The following ASIC2 variants were observed in gnomAD, a reference collection of about 807,000 sequenced individuals.
The protein encoded by ASIC2 is acid-sensing ion channel 2.
In ASIC2, 25 loss-of-function variants were observed where a neutral mutation model predicts 57.3. The observed-to-expected ratio is 0.44, with a 90% CI of 0.32 to 0.61. ASIC2 has a LOEUF of 0.61. Among genes scored for constraint, ASIC2 ranks in the 20% least tolerant of loss-of-function variants. The probability of loss-of-function intolerance (pLI) is 0.06; values close to 1 mark genes in which losing one functional copy is unlikely to be tolerated. For synonymous variants in ASIC2, 319 were observed against 307.5 expected (o/e 1.04, Z -0.39); for missense variants, 641 against 738.1 (o/e 0.87, Z 1.52).
chr17:34,003,937 T>C (rs914889652), intron 1 of ASIC2: 4 of 152,224 alleles, frequency 2.6e-5, no homozygotes, highest in Non-Finnish European at 4.4e-5. Context: ...CCCATGTCCA[T>C]GCAACAAGCA....
intron 1 of ASIC2, among the ~76,000 whole-genome samples, chr17:33,463,327 T>C (rs189219193): frequency 7.2e-5 from 11 of 152,358 alleles, no homozygotes. Context: ...GCGTGCTTTA[T>C]AGTTGGAGCT....
At chr17:33,231,568 C>T (rs1166676992) in intron 1 of ASIC2, among the ~76,000 whole-genome samples, 3 of 152,112 alleles carry the variant, frequency 2.0e-5, no homozygotes, top group Non-Finnish European at 4.4e-5. Context: ...GAAGTCCCAT[C>T]CCAGACTTGA....
chr17:33,799,435 T>TTTCTTTCTTTC (rs1567719077), intron 1 of ASIC2, among the ~76,000 whole-genome samples: 1,050 of 42,540 alleles, frequency 0.025, 2 homozygotes, highest in Middle Eastern at 0.041. Context: ...TTCTTCTTTC[T>TTTCTTTCTTTC]TTCTTTCTTT....
chr17:33,727,931 G>A (rs572630181), intron 1 of ASIC2, among the ~76,000 whole-genome samples: 1 of 152,298 alleles, frequency 6.6e-6, no homozygotes, highest in South Asian at 2.1e-4. Flanking sequence ...TACTTACTGA[G>A]CATCTTCTTT....
At chr17:33,724,367 C>T (rs1381753216) in intron 1 of ASIC2, among the ~76,000 whole-genome samples, 69 of 152,300 alleles carry the variant, frequency 4.5e-4, no homozygotes, top group South Asian at 4.1e-4. Context: ...AGCCCATAAG[C>T]AGGCTCAGAA....
intron 1 of ASIC2, among the ~76,000 whole-genome samples, chr17:33,613,433 C>T (rs1395085374): frequency 4.7e-5 from 7 of 148,124 alleles, no homozygotes; most frequent in South Asian, 2.1e-4. Flanking sequence ...GTTGCGATCT[C>T]GGCTCACTGC....
chr17:33,153,687 A>G (rs144483138), intron 1 of ASIC2, among the ~76,000 whole-genome samples: 1 of 152,206 alleles, frequency 6.6e-6, no homozygotes, highest in East Asian at 1.9e-4. Context: ...GTCTCATCCC[A>G]TTTCCCTTCA....
In ASIC2 at chr17:33,932,747, T is replaced by C. The variant is rs972453662; in HGVS notation, c.555+223231A>G. On this transcript the variant is annotated intron_variant, in intron 1 of 9. Coordinates refer to the ASIC2 transcript ENST00000359872. ...AAAAAAAAAAAAAAAAAAAAATATA[T>C]ATATATATATATATAGTATGATAAA... 9.1e-5 allele frequency: 11 copies of C among 120,870 alleles called. 1 individual carries two copies. Among genetic ancestry groups the C allele is most frequent in the Non-Finnish European group, 1.9e-4 (11 of 59,282 alleles). The allele number at this position is 120,870 out of a possible 1,614,324, so 7.5% of individuals were successfully genotyped here. A position where few individuals can be genotyped will look rare whatever the true frequency, so the allele number is the denominator to read the frequency against.
chr17:33,969,415 A>T (rs1905162184), intron 1 of ASIC2, among the ~76,000 whole-genome samples: 1 of 152,168 alleles, frequency 6.6e-6, no homozygotes, highest in Non-Finnish European at 1.5e-5. Flanking sequence ...AGGCACAAGG[A>T]TATGGCTGCT....
intron 1 of ASIC2, among the ~76,000 whole-genome samples, chr17:33,516,632 C>G (rs1914580505): frequency 6.6e-6 from 1 of 152,166 alleles, no homozygotes; most frequent in South Asian, 2.1e-4. Flanking sequence ...TAGTGTGCAA[C>G]TGGTGTTGGG....
chr17:33,084,108 G>A (rs766014273), intron 3 of ASIC2, among the ~76,000 whole-genome samples: 8 of 152,298 alleles, frequency 5.3e-5, no homozygotes, highest in Middle Eastern at 6.8e-3. Context: ...GTGCAGAACT[G>A]CTGTCAGCCA....
chr17:33,416,084 C>A (rs1342904223), intron 1 of ASIC2, among the ~76,000 whole-genome samples: 1 of 152,118 alleles, frequency 6.6e-6, no homozygotes, highest in African/African-American at 2.4e-5. Flanking sequence ...GGTGGTTCTG[C>A]CTTGCATTTG....
At chr17:33,357,336 G>A (rs538899847) in intron 1 of ASIC2, among the ~76,000 whole-genome samples, 74 of 152,280 alleles carry the variant, frequency 4.9e-4, no homozygotes, top group Non-Finnish European at 8.2e-4. Context: ...GGAAGCTGAA[G>A]CCCAGGTTCC....
intron 1 of ASIC2, among the ~76,000 whole-genome samples, chr17:33,313,639 A>T (rs1308975319): frequency 2.0e-5 from 3 of 152,218 alleles, no homozygotes; most frequent in Non-Finnish European, 2.9e-5. Context: ...TGACATTTGA[A>T]TAACTGAACG....
chr17:34,099,848 T>C (rs888067153), intron 1 of ASIC2, among the ~76,000 whole-genome samples: 2 of 152,168 alleles, frequency 1.3e-5, no homozygotes, highest in African/African-American at 4.8e-5. Context: ...TAGTTCATTG[T>C]GACTTGGAAT....
rs189764296 is a variant in ASIC2 at position 33,578,372 on chromosome 17, G to A, written c.556-466305C>T. Among the ~76,000 whole-genome samples, 55 of 152,166 alleles carry A rather than the reference G, an allele frequency of 3.6e-4. 1 individual carries two copies. The highest frequency in any genetic ancestry group is 1.2e-3 in the African/African-American group (48 of 41,502). ...TCTGAGCCTTAATTTTTATTTATAG[G>A]ACACGTTAAACCAGATGATTTCTAA... On this transcript the variant is annotated intron_variant, in intron 1 of 9. Transcript: ENST00000359872.
At chr17:33,968,640 G>C (rs777251236) in intron 1 of ASIC2, among the ~76,000 whole-genome samples, 1 of 152,228 alleles carries the variant, frequency 6.6e-6, no homozygotes, top group African/African-American at 2.4e-5. Flanking sequence ...AGAGGTGAGA[G>C]TGAAGTTGGG....
chr17:33,399,142 G>T (rs900543932), intron 1 of ASIC2, among the ~76,000 whole-genome samples: 4 of 152,104 alleles, frequency 2.6e-5, no homozygotes, highest in Non-Finnish European at 5.9e-5. Flanking sequence ...AAGAAATATG[G>T]GGTTGGAGGT....
At chr17:33,092,062 C>T (rs1489779183) in intron 2 of ASIC2, among the ~76,000 whole-genome samples, 2 of 152,186 alleles carry the variant, frequency 1.3e-5, no homozygotes, top group South Asian at 2.1e-4. Context: ...GAGAACTCCG[C>T]CATCTTGCCT....
Sources: gnomAD v4.1 joint callset for allele counts (sites outside exome capture counted in the v4.1 genomes callset) on GRCh38, gnomAD v4.1.1 for gene constraint, MANE v1.5 for transcripts, NCBI Gene and HGNC (gene_info 2026-07-23, HGNC 2026-07-21) for gene names.